CYRIB: variants seen among roughly 807,000 people sequenced by gnomAD.
The protein encoded by CYRIB is CYFIP-related Rac1 interactor B.
In CYRIB, 8 loss-of-function variants were observed where a neutral mutation model predicts 44.2. That is an observed-to-expected ratio of 0.18 (90% CI 0.11 to 0.33). The LOEUF is 0.33. Ranked by LOEUF, CYRIB falls within the 10% of genes least tolerant of loss-of-function variation. CYRIB has a pLI of 1.00. For synonymous variants in CYRIB, 131 were observed against 127.2 expected, an observed-to-expected ratio of 1.03 and a Z score of -0.20; for missense variants, 185 against 382.8, an observed-to-expected ratio of 0.48 and a Z score of 4.31.
intron 2 of CYRIB, among the ~76,000 whole-genome samples, chr8:129,958,694 C>G (rs1022703464): frequency 4.0e-5 from 6 of 151,272 alleles, no homozygotes; most frequent in Admixed American, 6.6e-5. Flanking sequence ...CTTTTTCTCT[C>G]GAGCTCATTC....
At chr8:129,866,248 T>C (rs1262391589) in intron 4 of CYRIB, among the ~76,000 whole-genome samples, 2 of 152,244 alleles carry the variant, frequency 1.3e-5, no homozygotes, top group Admixed American at 1.3e-4. Context: ...CATTTGTTTT[T>C]ATCACGTTTT....
intron 5 of CYRIB, among the ~76,000 whole-genome samples, chr8:129,861,749 C>T (rs1392664846): frequency 6.6e-6 from 1 of 152,018 alleles, no homozygotes; most frequent in Admixed American, 6.6e-5. Flanking sequence ...GCACACCCAG[C>T]CTATTTCTCA....
intron 1 of CYRIB, among the ~76,000 whole-genome samples, chr8:129,934,800 G>T (rs537925235): frequency 6.6e-6 from 1 of 152,292 alleles, no homozygotes; most frequent in East Asian, 1.9e-4. Context: ...CAACATAAGG[G>T]TAATCACCCC....
At chr8:129,863,653 T>A (rs2051365025) in intron 4 of CYRIB, among the ~76,000 whole-genome samples, 1 of 152,190 alleles carries the variant, frequency 6.6e-6, no homozygotes. Context: ...AAAACTAGTT[T>A]CAAATCTGAA....
At chr8:129,861,147 C>T (rs571434914) in intron 5 of CYRIB, among the ~76,000 whole-genome samples, 54 of 152,278 alleles carry the variant, frequency 3.5e-4, no homozygotes, top group South Asian at 1.2e-3. Flanking sequence ...TTCAAATCGT[C>T]CTAATTTCTG....
exon 8 of CYRIB, chr8:129,852,178 G>C: frequency 6.4e-7 from 1 of 1,551,298 alleles, no homozygotes; most frequent in Non-Finnish European, 8.7e-7. Context: ...TACAAATTTT[G>C]TTGTGGCATC....
intron 1 of CYRIB, among the ~76,000 whole-genome samples, chr8:129,932,349 A>G (rs953435164): frequency 6.6e-6 from 1 of 152,178 alleles, no homozygotes; most frequent in African/African-American, 2.4e-5. Flanking sequence ...TCTGGAGCAA[A>G]GGACAAGCAT....
intron 1 of CYRIB, among the ~76,000 whole-genome samples, chr8:129,990,721 A>C (rs2096611206): frequency 6.6e-6 from 1 of 151,880 alleles, no homozygotes; most frequent in South Asian, 2.1e-4. Flanking sequence ...ACAGCGTCTC[A>C]CTATGTTGCC....
At chr8:129,886,733 A>C (rs2062917758) in intron 2 of CYRIB, among the ~76,000 whole-genome samples, 1 of 152,062 alleles carries the variant, frequency 6.6e-6, no homozygotes, top group Admixed American at 6.6e-5. Context: ...TGCCAGGAGC[A>C]TCTGCCCTGA....
At chr8:130,001,107 T>C (rs2096897158) in intron 1 of CYRIB, among the ~76,000 whole-genome samples, 1 of 152,146 alleles carries the variant, frequency 6.6e-6, no homozygotes, top group South Asian at 2.1e-4. Context: ...TAAGAGTCTG[T>C]CTGGAAATTT....
intron 1 of CYRIB, among the ~76,000 whole-genome samples, chr8:130,002,100 G>A (rs2096921210): frequency 6.6e-6 from 1 of 152,126 alleles, no homozygotes. Context: ...TATCTTTTAT[G>A]AAGAGTCATC....
At chr8:129,929,224 G>C (rs1326119313) in intron 1 of CYRIB, among the ~76,000 whole-genome samples, 1 of 152,024 alleles carries the variant, frequency 6.6e-6, no homozygotes. Context: ...GAATAATCAA[G>C]CAAAAGTGAG....
chr8:129,883,045 C>T (rs1417611948), intron 2 of CYRIB, among the ~76,000 whole-genome samples: 3 of 132,856 alleles, frequency 2.3e-5, no homozygotes, highest in Admixed American at 1.8e-4. Flanking sequence ...AAGGAGGCGG[C>T]AGTTGTAGGG....
At chr8:129,946,076 T>C (rs1393841711) in intron 2 of CYRIB, among the ~76,000 whole-genome samples, 1 of 152,252 alleles carries the variant, frequency 6.6e-6, no homozygotes, top group Non-Finnish European at 1.5e-5. Context: ...TATGTCATTA[T>C]TGACTGTTAA....
At chr8:129,893,186 A>G (rs542430081) in intron 2 of CYRIB, among the ~76,000 whole-genome samples, 1 of 152,344 alleles carries the variant, frequency 6.6e-6, no homozygotes, top group East Asian at 1.9e-4. Flanking sequence ...CAGTTTTTTA[A>G]AATGTATCAT....
At position 129,889,798 on chromosome 8, in the gene CYRIB, CT is replaced by C. The variant is rs112004277; in HGVS notation, c.-10-10328del. 1.3e-3 allele frequency among the ~76,000 whole-genome samples: 185 copies of C among 143,928 alleles called. 1 individual carries two copies. Among genetic ancestry groups the C allele is most frequent in the South Asian group, 0.011 (50 of 4,534 alleles). The allele number at this position is 143,928 out of a possible 152,430, so 94.4% of individuals were successfully genotyped here. A position where few individuals can be genotyped will look rare whatever the true frequency, so the allele number is the denominator to read the frequency against. On this transcript the variant is annotated intron_variant, in intron 2 of 11. Transcript: ENST00000519824. Reference sequence around the variant, plus strand: ...ATAATCAAAGAAAATGGTTTCTTTCCTTTTTTTTTTTTTCTTTTGAGACAGA... The same window carrying C: ...ATAATCAAAGAAAATGGTTTCTTTCCTTTTTTTTTTTTCTTTTGAGACAGA...
intron 2 of CYRIB, among the ~76,000 whole-genome samples, chr8:129,902,795 A>G (rs1231504146): frequency 1.3e-5 from 2 of 152,214 alleles, no homozygotes; most frequent in African/African-American, 4.8e-5. Flanking sequence ...AAACAACTGC[A>G]GGATTACAAA....
intron 1 of CYRIB, among the ~76,000 whole-genome samples, chr8:129,930,897 T>C (rs2091026886): frequency 6.6e-6 from 1 of 152,156 alleles, no homozygotes; most frequent in Non-Finnish European, 1.5e-5. Context: ...TCACGTATGC[T>C]TTAACCCAAA....
At chr8:129,937,568 G>T (rs1198567858) in intron 1 of CYRIB, among the ~76,000 whole-genome samples, 1 of 152,100 alleles carries the variant, frequency 6.6e-6, no homozygotes, top group East Asian at 1.9e-4. Flanking sequence ...TTTTAAGTTC[G>T]ATTAAGTTAA....
Sources: gnomAD v4.1 joint callset for allele counts (sites outside exome capture counted in the v4.1 genomes callset) on GRCh38, gnomAD v4.1.1 for gene constraint, MANE v1.5 for transcripts, NCBI Gene and HGNC (gene_info 2026-07-23, HGNC 2026-07-21) for gene names.